Variants in FYB1 observed in about 807,000 individuals in gnomAD.
FYB1 encodes FYN binding protein 1.
In FYB1, 41 loss-of-function variants were observed where a neutral mutation model predicts 94.1. The observed-to-expected ratio is 0.44, with a 90% CI of 0.34 to 0.57. The LOEUF (loss-of-function observed/expected upper bound fraction) is 0.57, where lower values mean the gene tolerates loss of function less well. Among genes scored for constraint, FYB1 ranks in the 20% least tolerant of loss-of-function variants. The pLI is 0.02. For synonymous variants in FYB1, 367 were observed against 353.2 expected, an observed-to-expected ratio of 1.04 and a Z score of -0.44; for missense variants, 1,050 against 976.8, an observed-to-expected ratio of 1.07 and a Z score of -1.00.
intron 2 of FYB1, among the ~76,000 whole-genome samples, chr5:39,197,525 T>C (rs1324416586): frequency 6.6e-6 from 1 of 152,266 alleles, no homozygotes; most frequent in Non-Finnish European, 1.5e-5. Context: ...TCTAAGCAGC[T>C]GTGGCCAATC....
chr5:39,209,875 T>G (rs779232444), intron 1 of FYB1, among the ~76,000 whole-genome samples: 1 of 152,240 alleles, frequency 6.6e-6, no homozygotes, highest in Non-Finnish European at 1.5e-5. Context: ...GGAGATGATT[T>G]TCTTAGCTCC....
At chr5:39,246,491 C>CTT (rs961346143) in intron 1 of FYB1, among the ~76,000 whole-genome samples, 18 of 152,274 alleles carry the variant, frequency 1.2e-4, no homozygotes, top group African/African-American at 2.9e-4. Context: ...CCTAAATGTT[C>CTT]TTAGCTTCTA....
intron 1 of FYB1, among the ~76,000 whole-genome samples, chr5:39,263,618 C>T (rs148630082): frequency 2.0e-4 from 30 of 152,250 alleles, no homozygotes; most frequent in African/African-American, 6.3e-4. Flanking sequence ...AGCTCCGTTT[C>T]CATACTCTCA....
chr5:39,185,747 C>T (rs1052486141), intron 2 of FYB1, among the ~76,000 whole-genome samples: 4 of 151,436 alleles, frequency 2.6e-5, no homozygotes, highest in Non-Finnish European at 4.4e-5. Context: ...ATCAGATCAA[C>T]GAGGTAATAA....
upstream of FYB1, among the ~76,000 whole-genome samples, chr5:39,220,707 T>C (rs1361318238): frequency 1.3e-5 from 2 of 152,168 alleles, no homozygotes; most frequent in African/African-American, 2.4e-5. Flanking sequence ...TTCCACTCAG[T>C]GGCTTATAAT....
intron 2 of FYB1, among the ~76,000 whole-genome samples, chr5:39,172,777 C>A (rs1334411785): frequency 6.6e-6 from 1 of 152,150 alleles, no homozygotes; most frequent in Non-Finnish European, 1.5e-5. Flanking sequence ...AAGGACATGA[C>A]TTCATTCTTT....
rs114684975 is a variant in FYB1 at position 39,227,986 on chromosome 5, G to A, written c.-27-24999C>T. ...AACTGGGAACAGAAGGCTTGGATAA[G>A]ACATATATGCTGTTTCCATTCTTGA... On this transcript the variant is annotated intron_variant, in intron 1 of 1. Transcript: ENST00000510188. Among the ~76,000 whole-genome samples the A allele has an allele frequency of 2.8e-3, 430 of 152,240 alleles. 3 individuals are homozygous for A. The highest frequency in any genetic ancestry group is 0.01 in the African/African-American group (417 of 41,538).
intron 10 of FYB1, among the ~76,000 whole-genome samples, chr5:39,130,224 G>A (rs776627805): frequency 6.6e-6 from 1 of 152,090 alleles, no homozygotes; most frequent in Non-Finnish European, 1.5e-5. Flanking sequence ...GAGGTAGAGA[G>A]TAGAGTGATT....
Position 39,219,427 on chromosome 5 carries a change from TA to T in FYB1, c.-28+15del. 1 of 985,318 alleles carries T rather than the reference TA, an allele frequency of 1.0e-6. No homozygotes were observed. The highest frequency in any genetic ancestry group is 1.2e-6 in the Non-Finnish European group (1 of 829,896). The allele number at this position is 985,318 out of a possible 1,614,324, so 61.0% of individuals were successfully genotyped here. A position where few individuals can be genotyped will look rare whatever the true frequency, so the allele number is the denominator to read the frequency against. ...ACACATTTATTTGAAAGAAGAAACC[TA>T]GGCATAGCTGTTACCTGACTCCTGC... On this transcript the variant is annotated intron_variant, in intron 1 of 18. Coordinates refer to ENST00000512982, the MANE Select transcript of FYB1 (RefSeq NM_001465.6).
chr5:39,169,623 T>C, intron 2 of FYB1: 2 of 447,760 alleles, frequency 4.5e-6, no homozygotes, highest in East Asian at 5.4e-5. Context: ...GGCGGGTGGA[T>C]TACCTGAGGT....
rs1358281309 is a variant in FYB1, at chr5:39,177,443, G to T, written c.1136-23839C>A. 1.1e-4 allele frequency among the ~76,000 whole-genome samples: 16 copies of T among 152,286 alleles called. No individual in the cohort carries two copies. The East Asian group carries it at 3.1e-3, about 29-fold the overall frequency. On this transcript the variant is annotated intron_variant, in intron 2 of 18. Coordinates refer to ENST00000512982, the MANE Select transcript of FYB1 (RefSeq NM_001465.6). ...TTTGCAAAATGAGAAGGTGGTCAAA[G>T]AAGTTATTTGTCCCAGGTCTCCCAA...
intron 2 of FYB1, among the ~76,000 whole-genome samples, chr5:39,180,851 G>C (rs1746155768): frequency 6.6e-6 from 1 of 152,048 alleles, no homozygotes; most frequent in Admixed American, 6.6e-5. Flanking sequence ...TTGTGACCAG[G>C]CTATATTACC....
At chr5:39,219,662 A>G (rs1300716368), upstream of FYB1, 2 of 916,080 alleles carry the variant, frequency 2.2e-6, no homozygotes. Flanking sequence ...GAAAAGTTCT[A>G]TTATGCCCTC....
intron 14 of FYB1, among the ~76,000 whole-genome samples, chr5:39,120,253 TGAAA>T (rs1202415371): frequency 6.6e-6 from 1 of 150,940 alleles, no homozygotes; most frequent in Non-Finnish European, 1.5e-5. Flanking sequence ...TGTGTGTGTA[TGAAA>T]GAGAGACAGA....
intron 1 of FYB1, among the ~76,000 whole-genome samples, chr5:39,206,547 A>T (rs260327): frequency 0.028 from 4,216 of 152,246 alleles, 171 homozygotes; most frequent in African/African-American, 0.096. Context: ...TTCTTGAGTG[A>T]TAGAGTGGAA....
intron 3 of FYB1, among the ~76,000 whole-genome samples, chr5:39,148,418 T>TTTTA (rs1561176307): frequency 3.5e-5 from 4 of 114,968 alleles, no homozygotes; most frequent in African/African-American, 6.8e-5. Context: ...TTTTTTTTTT[T>TTTTA]AAAGAAGGAG....
chr5:39,156,415 G>A (rs947621632), intron 2 of FYB1, among the ~76,000 whole-genome samples: 18 of 152,182 alleles, frequency 1.2e-4, no homozygotes, highest in East Asian at 5.8e-4. Context: ...AGTAGGGCTC[G>A]CCTGAGAGTG....
chr5:39,160,899 T>C (rs1322930077), intron 2 of FYB1, among the ~76,000 whole-genome samples: 1 of 152,222 alleles, frequency 6.6e-6, no homozygotes, highest in African/African-American at 2.4e-5. Context: ...GTAACTTTTA[T>C]TAGAAGTTTT....
chr5:39,257,591 G>A (rs2111567866), intron 1 of FYB1, among the ~76,000 whole-genome samples: 1 of 152,240 alleles, frequency 6.6e-6, no homozygotes, highest in South Asian at 2.1e-4. Context: ...TGGAGAAATT[G>A]AGGCACAGAG....
Sources: allele counts gnomAD v4.1 joint callset (sites outside exome capture counted in the v4.1 genomes callset), GRCh38; gene constraint gnomAD v4.1.1; transcripts MANE v1.5; gene names NCBI Gene and HGNC (gene_info 2026-07-23, HGNC 2026-07-21).